The following CFAP54 variants were observed in gnomAD, a reference collection of about 807,000 sequenced individuals.
CFAP54 encodes cilia- and flagella-associated protein 54.
Under a neutral mutation model 370.4 loss-of-function variants are expected in CFAP54, and 290 were observed. The observed-to-expected ratio is 0.78, with a 90% confidence interval of 0.71 to 0.86. CFAP54 has a LOEUF of 0.86. Ranked by LOEUF, CFAP54 falls within the 40% of genes least tolerant of loss-of-function variation. The pLI is 0.00. For missense variants in CFAP54, 3,399 were observed against 3,528.7 expected (o/e 0.96, Z 0.93); for synonymous variants, 1,206 against 1,236.5 (o/e 0.98, Z 0.52).
intron 67 of CFAP54, 91 bp downstream of exon 67, chr12:96,861,043 G>GT: frequency 3.1e-6 from 3 of 962,464 alleles, no homozygotes; most frequent in Non-Finnish European, 2.8e-6. Context: ...ACATAAAATT[G>GT]TTTTTTTACA....
chr12:96,657,854 ATT>A (rs10710617), intron 36 of CFAP54, 26 bp from the exon 37 acceptor site: 293 of 1,318,190 alleles, frequency 2.2e-4, no homozygotes, highest in Admixed American at 5.6e-4. Context: ...GAAATTACAC[ATT>A]TTTTTTTTCA....
At chr12:96,517,370 T>A (rs1955247717) in intron 5 of CFAP54, among the ~76,000 whole-genome samples, 1 of 152,170 alleles carries the variant, frequency 6.6e-6, no homozygotes, top group South Asian at 2.1e-4. Context: ...CCATAGCAAA[T>A]CAAATACAAT....
rs1331067163 is a variant in CFAP54 at position 96,783,404 on chromosome 12, C to G, written c.8282-1313C>G. ...AATATTTATCTTCCTTTTTTCGCTT[C>G]CCAGAGACAACCACTGTTCTAATCA... On this transcript the variant is annotated intron_variant, in intron 60 of 67. Coordinates refer to ENST00000524981, the MANE Select transcript of CFAP54 (RefSeq NM_001306084.2). Among the ~76,000 whole-genome samples the G allele has an allele frequency of 3.3e-5, 5 of 152,030 alleles. No homozygotes were observed. The South Asian group carries it at 1.0e-3, about 31-fold the overall frequency.
chr12:96,500,585 G>A (rs1040697538), intron 1 of CFAP54, among the ~76,000 whole-genome samples: 4 of 152,054 alleles, frequency 2.6e-5, no homozygotes, highest in African/African-American at 9.7e-5. Flanking sequence ...GCTCAATTCT[G>A]TTGTGAACTT....
At chr12:96,664,079 G>C in intron 39 of CFAP54, 147 bp downstream of exon 39, 1 of 653,310 alleles carries the variant, frequency 1.5e-6, no homozygotes, top group Non-Finnish European at 2.7e-6. Context: ...TTTGATTTTC[G>C]CCATCTTACG....
chr12:96,622,195 G>A (rs1297740608), intron 27 of CFAP54, among the ~76,000 whole-genome samples: 1 of 151,924 alleles, frequency 6.6e-6, no homozygotes, highest in Non-Finnish European at 1.5e-5. Context: ...TAATTTTTGA[G>A]ATTAACTTTT....
In CFAP54 at chr12:96,532,640, A is replaced by C. The variant is rs181652790; in HGVS notation, c.1358-1152A>C. ...CATTATACCGTGCCCTTTTTTTTTG[A>C]GACAGGATCTCACTCTGTCACCCAG... On this transcript the variant is annotated intron_variant, in intron 9 of 67. Transcript: ENST00000524981. Among the ~76,000 whole-genome samples, 773 of 151,622 alleles carry C rather than the reference A, an allele frequency of 5.1e-3. 10 individuals are homozygous for C. Among genetic ancestry groups the C allele is most frequent in the African/African-American group, 0.018 (729 of 41,334 alleles).
intron 8 of CFAP54, among the ~76,000 whole-genome samples, chr12:96,522,851 A>G (rs1050026507): frequency 6.6e-6 from 1 of 152,170 alleles, no homozygotes; most frequent in Non-Finnish European, 1.5e-5. Context: ...CTCAACATGG[A>G]AGTGACATGA....
At chr12:96,785,708 C>T (rs1368812781) in intron 61 of CFAP54, among the ~76,000 whole-genome samples, 1 of 152,220 alleles carries the variant, frequency 6.6e-6, no homozygotes, top group Non-Finnish European at 1.5e-5. Flanking sequence ...AGTCTGCTCA[C>T]CTCTGAATTC....
intron 60 of CFAP54, among the ~76,000 whole-genome samples, chr12:96,783,902 A>T (rs1275415072): frequency 2.0e-5 from 3 of 152,178 alleles, no homozygotes; most frequent in Non-Finnish European, 4.4e-5. Flanking sequence ...AAAAAAAGAA[A>T]AGAAAAGTAA....
intron 47 of CFAP54, among the ~76,000 whole-genome samples, chr12:96,707,608 G>T (rs939207434): frequency 6.6e-6 from 1 of 152,166 alleles, no homozygotes; most frequent in African/African-American, 2.4e-5. Flanking sequence ...ATGAAGCATG[G>T]CTGTGTGCCG....
chr12:96,760,361 T>G (rs7315899), intron 58 of CFAP54, among the ~76,000 whole-genome samples: 114,379 of 152,064 alleles, frequency 0.75, 43,687 homozygotes, highest in East Asian at 0.91. Flanking sequence ...ACAGAGTTGT[T>G]CAACAATCAC....
At chr12:96,562,524 T>G (rs1328836020) in intron 17 of CFAP54, among the ~76,000 whole-genome samples, 2 of 151,594 alleles carry the variant, frequency 1.3e-5, no homozygotes, top group Non-Finnish European at 2.9e-5. Flanking sequence ...CCTCCGAGGT[T>G]CAAGTGATTC....
chr12:96,699,780 A>G (rs971567026), intron 45 of CFAP54, among the ~76,000 whole-genome samples, 191 bp from the exon 46 acceptor site: 1 of 152,192 alleles, frequency 6.6e-6, no homozygotes, highest in Non-Finnish European at 1.5e-5. Flanking sequence ...TCCATTGCAC[A>G]TGTGTATGGG....
chr12:96,719,691 C>T (rs1283763458), intron 49 of CFAP54, among the ~76,000 whole-genome samples: 1 of 152,240 alleles, frequency 6.6e-6, no homozygotes, highest in Non-Finnish European at 1.5e-5. Flanking sequence ...GTATTCCCAG[C>T]TGAGTTGAAC....
chr12:96,851,597 A>C lies in CFAP54; in HGVS notation c.9172-9222A>C, dbSNP rs572616425. Among the ~76,000 whole-genome samples the C allele has an allele frequency of 2.3e-4, 35 of 152,180 alleles. 2 individuals carry two copies. In the South Asian group the frequency reaches 7.2e-3, roughly 32 times the overall value. On this transcript the variant is annotated intron_variant, in intron 66 of 67. Transcript: ENST00000524981. ...GATTAGAACTAAGAGAATCTGATAA[A>C]GTGGCTGGATATAAAAATTAATAAT...
intron 50 of CFAP54, among the ~76,000 whole-genome samples, chr12:96,726,264 C>T (rs1957834153): frequency 6.6e-6 from 1 of 151,820 alleles, no homozygotes; most frequent in Non-Finnish European, 1.5e-5. Context: ...CCAGTTCCTC[C>T]TTGTACCTCT....
intron 17 of CFAP54, among the ~76,000 whole-genome samples, chr12:96,560,469 C>A (rs1271846506): frequency 1.3e-5 from 2 of 152,112 alleles, no homozygotes; most frequent in African/African-American, 2.4e-5. Flanking sequence ...AAGAAGTAAT[C>A]AAAAATCACT....
intron 65 of CFAP54, among the ~76,000 whole-genome samples, chr12:96,821,299 G>T (rs1248562180): frequency 6.6e-6 from 1 of 152,142 alleles, no homozygotes; most frequent in African/African-American, 2.4e-5. Context: ...ATGAGGTCGA[G>T]GGTATGGTGG....
Sources: gnomAD v4.1 joint callset for allele counts (sites outside exome capture counted in the v4.1 genomes callset) on GRCh38, gnomAD v4.1.1 for gene constraint, MANE v1.5 for transcripts, NCBI Gene and HGNC (gene_info 2026-07-23, HGNC 2026-07-21) for gene names.